BRD4: variants seen among roughly 807,000 people sequenced by gnomAD.
The protein encoded by BRD4 is bromodomain containing 4, also known as bromodomain-containing protein 4.
A neutral mutation model predicts 142.1 loss-of-function variants in BRD4; 16 were observed. The ratio of observed to expected loss-of-function variants is 0.11; its 90% CI spans 0.08 to 0.17. The LOEUF is 0.17. Among genes scored for constraint, BRD4 ranks in the 10% least tolerant of loss-of-function variants. The probability of loss-of-function intolerance (pLI) is 1.00; values close to 1 mark genes in which losing one functional copy is unlikely to be tolerated. For missense variants in BRD4, 1,424 were observed against 1,810.9 expected (o/e 0.79, Z 3.88); for synonymous variants, 833 against 707.5 (o/e 1.18, Z -2.82).
chr19:15,261,276 G>A lies in BRD4; in HGVS notation c.1341+2144C>T, dbSNP rs937272790. On this transcript the variant is annotated intron_variant, in intron 7 of 19. Transcript: ENST00000679869. ...CCCAGGCAGGCAGATCATGAGGTCA[G>A]AAGTTCAAGACCAGCCTGACCAATC... Among the ~76,000 whole-genome samples the A allele has an allele frequency of 2.6e-5, 4 of 151,652 alleles. No individual in the cohort carries two copies. The East Asian group carries it at 7.7e-4, about 29-fold the overall frequency.
intron 2 of BRD4, among the ~76,000 whole-genome samples, chr19:15,270,350 C>A (rs1471294542): frequency 1.3e-5 from 2 of 152,140 alleles, no homozygotes; most frequent in African/African-American, 4.8e-5. Flanking sequence ...TGGCACAGCT[C>A]ATGGAACTGC....
intron 11 of BRD4, chr19:15,248,608 C>G (rs758163537): frequency 5.3e-5 from 12 of 226,194 alleles, no homozygotes; most frequent in Non-Finnish European, 9.7e-5. Context: ...TGGAAATGCA[C>G]GGGAACAATG....
chr19:15,240,597 G>A (rs761777345), intron 14 of BRD4, among the ~76,000 whole-genome samples: 4 of 152,324 alleles, frequency 2.6e-5, no homozygotes, highest in East Asian at 1.9e-4. Context: ...CACCTGCGCC[G>A]AGTGGGGAGC....
At chr19:15,326,912 T>A (rs1165287022) in intron 1 of BRD4, among the ~76,000 whole-genome samples, 1 of 152,146 alleles carries the variant, frequency 6.6e-6, no homozygotes, top group Non-Finnish European at 1.5e-5. Flanking sequence ...CCCTTTACAA[T>A]AAAGGAACTG....
At chr19:15,317,996 A>G (rs1380264891) in intron 1 of BRD4, among the ~76,000 whole-genome samples, 1 of 152,258 alleles carries the variant, frequency 6.6e-6, no homozygotes, top group Admixed American at 6.5e-5. Flanking sequence ...AGCTTTTTAT[A>G]ACTGAAAGTG....
intron 3 of BRD4, among the ~76,000 whole-genome samples, 162 bp downstream of exon 3, chr19:15,268,743 C>T (rs2047558268): frequency 6.6e-6 from 1 of 152,110 alleles, no homozygotes; most frequent in African/African-American, 2.4e-5. Flanking sequence ...GTCACAGGAA[C>T]AACCACAGGT....
At chr19:15,293,839 C>A (rs2047802741) in intron 1 of BRD4, among the ~76,000 whole-genome samples, 1 of 152,330 alleles carries the variant, frequency 6.6e-6, no homozygotes, top group Middle Eastern at 3.4e-3. Context: ...GTGGTAACCA[C>A]TATTTTTTGT....
chr19:15,244,325 G>C lies in BRD4; in HGVS notation c.2487C>G (p.His829Gln). 1 of 1,600,328 alleles carries C rather than the reference G, an allele frequency of 6.2e-7. No individual in the cohort carries two copies. The highest frequency in any genetic ancestry group is 8.5e-7 in the Non-Finnish European group (1 of 1,175,660). ...GAGGGGGCAGCTCAGGCTGCGGCAG[G>C]TGCAGGATGGGCTGGGTGAAGTGGC... ...PIGHFTQPILHLPQPELPPHL... is the reference protein window; with the variant it reads ...PIGHFTQPILQLPQPELPPHL... Residue 829 changes from histidine (H) to glutamine (Q), a missense_variant, in exon 13 of 20, where the codon CAC (histidine) becomes CAG (glutamine). His to Gln is a conservative substitution (Grantham distance 24). Coordinates refer to ENST00000679869, the MANE Select transcript of BRD4 (RefSeq NM_001379291.1).
chr19:15,239,275 G>A lies in BRD4; in HGVS notation c.3577-11C>T. On this transcript the variant is annotated splice_polypyrimidine_tract_variant and intron_variant, in intron 17 of 19. Transcript: ENST00000679869. This position sits in a 1 kb window ranked among gnomAD's most constrained non-coding sequence, Gnocchi z 7.4. ...CTTGATTTTCAGGTCCTGCAGAACA[G>A]AGAGGTTGGGGTGGGTGAGGGGTCT... 2 of 1,613,264 alleles carry A rather than the reference G, an allele frequency of 1.2e-6. No individual in the cohort carries two copies. Among genetic ancestry groups the A allele is most frequent in the Non-Finnish European group, 1.7e-6 (2 of 1,179,588 alleles).
At position 15,243,385 on chromosome 19, in the gene BRD4, G is replaced by A. The variant is rs780574515; in HGVS notation, c.2684C>T (p.Thr895Ile). The change falls in exon 14 of 20, where the codon ACC becomes ATC. Residue 895 changes from threonine to isoleucine, a missense_variant. Transcript: ENST00000679869. ...ARPPAVSPAL[T>I]QTPLLPQPPM... ...GGGCTGTGGGAGCAGGGGTGTTTGGGTCAAGGCTGGTGACACGGCTGGGGG... is the reference window on the plus strand; with the variant it reads ...GGGCTGTGGGAGCAGGGGTGTTTGGATCAAGGCTGGTGACACGGCTGGGGG... The A allele has an allele frequency of 3.3e-6, 5 of 1,536,472 alleles. No homozygotes were observed. The highest frequency in any genetic ancestry group is 2.6e-6 in the Non-Finnish European group (3 of 1,147,008).
intron 1 of BRD4, among the ~76,000 whole-genome samples, chr19:15,325,389 C>A (rs2048098661): frequency 6.6e-6 from 1 of 152,168 alleles, no homozygotes; most frequent in Non-Finnish European, 1.5e-5. Flanking sequence ...CTAGAGCATT[C>A]CAGTTAAGAC....
In BRD4 at chr19:15,255,159, T is replaced by C. The variant is rs549209772; in HGVS notation, c.2047+138A>G. Reference sequence around the variant, plus strand: ...GCAATGTCACAACCTTTCGGAGGTTTCTGTGTCAAGAACACAGATATTATA... The same window carrying C: ...GCAATGTCACAACCTTTCGGAGGTTCCTGTGTCAAGAACACAGATATTATA... On this transcript the variant is annotated intron_variant, in intron 10 of 19. Coordinates refer to ENST00000679869, the MANE Select transcript of BRD4 (RefSeq NM_001379291.1). 3.7e-5 allele frequency: 32 copies of C among 871,612 alleles called. No homozygotes were observed. The African/African-American group carries it at 4.6e-4, about 13-fold the overall frequency. The allele number at this position is 871,612 out of a possible 1,614,324, so 54.0% of individuals were successfully genotyped here.
chr19:15,273,239 C>T (rs570722758), intron 1 of BRD4, 106 bp from the exon 2 acceptor site: 53 of 1,184,346 alleles, frequency 4.5e-5, no homozygotes, highest in South Asian at 2.5e-4. Flanking sequence ...AGTTCCCTGG[C>T]GGTAGCTAGC....
intron 1 of BRD4, among the ~76,000 whole-genome samples, chr19:15,329,740 A>C (rs1451196967): frequency 1.3e-5 from 2 of 152,162 alleles, no homozygotes; most frequent in Admixed American, 6.5e-5. Flanking sequence ...CTCTCTCAAA[A>C]AAATAAAAAA....
At position 15,311,405 on chromosome 19, in the gene BRD4, A is replaced by C. The variant is rs151146172; in HGVS notation, c.-35+20885T>G. On this transcript the variant is annotated intron_variant, in intron 1 of 19. Coordinates refer to ENST00000679869, the MANE Select transcript of BRD4 (RefSeq NM_001379291.1). ...TGGAAGCAACCCAACTCCATCAACA[A>C]AGGAGTGGAATTCTGACATGCTACA... Among the ~76,000 whole-genome samples the C allele has an allele frequency of 3.0e-3, 464 of 152,320 alleles. 3 individuals are homozygous for C. The highest frequency in any genetic ancestry group is 0.011 in the African/African-American group (449 of 41,578).
At chr19:15,242,872 CCA>C (rs2047249332) in intron 14 of BRD4, 26 bp downstream of exon 14, 1 of 1,590,744 alleles carries the variant, frequency 6.3e-7, no homozygotes, top group Non-Finnish European at 8.6e-7. Flanking sequence ...ACCAGCCTCC[CCA>C]GAGTCTACGG....
At chr19:15,262,523 T>TA (rs1263382140) in intron 7 of BRD4, among the ~76,000 whole-genome samples, 2 of 140,748 alleles carry the variant, frequency 1.4e-5, no homozygotes, top group Non-Finnish European at 3.1e-5. Context: ...ACCCATCTCT[T>TA]TAAAAAAAAA....
intron 1 of BRD4, among the ~76,000 whole-genome samples, chr19:15,322,000 CAG>C (rs1329051338): frequency 1.3e-5 from 2 of 152,094 alleles, no homozygotes; most frequent in Non-Finnish European, 2.9e-5. Context: ...GACAAAGAAA[CAG>C]ATCACAAAAT....
intron 7 of BRD4, among the ~76,000 whole-genome samples, chr19:15,262,989 T>G (rs2047490323): frequency 6.6e-6 from 1 of 152,124 alleles, no homozygotes. Flanking sequence ...TGTGGCCATG[T>G]GGAAACAACC....
Sources: allele counts gnomAD v4.1 joint callset (sites outside exome capture counted in the v4.1 genomes callset), GRCh38; gene constraint gnomAD v4.1.1; non-coding constraint Gnocchi (gnomAD v3.1); transcripts MANE v1.5; gene names NCBI Gene and HGNC (gene_info 2026-07-23, HGNC 2026-07-21).